The following EPG5 variants were observed in gnomAD, a reference collection of about 807,000 sequenced individuals.
The protein encoded by EPG5 is ectopic P granules protein 5 homolog.
A neutral mutation model predicts 302.7 loss-of-function variants in EPG5; 159 were observed. The observed-to-expected ratio is 0.53, with a 90% CI of 0.46 to 0.60. The LOEUF (loss-of-function observed/expected upper bound fraction) is 0.60. Ranked by LOEUF, EPG5 falls within the 20% of genes least tolerant of loss-of-function variation. The pLI is 0.00. For missense variants in EPG5, 2,896 were observed against 3,092.4 expected (o/e 0.94, Z 1.51); for synonymous variants, 1,158 against 1,136.8 (o/e 1.02, Z -0.37).
At chr18:45,956,368 A>T (rs57140183) in intron 1 of EPG5, among the ~76,000 whole-genome samples, 17,607 of 152,260 alleles carry the variant, frequency 0.12, 1,364 homozygotes, top group African/African-American at 0.22. Context: ...TGGATTAGAA[A>T]AAGGACATTA....
In EPG5 at chr18:45,850,875, T is replaced by A. The variant is rs2048414306; in HGVS notation, c.*1592A>T. On this transcript the variant is annotated 3_prime_UTR_variant, in exon 44 of 44. Transcript: ENST00000282041. Reference sequence around the variant, plus strand: ...GTCCACAGCTTCTCAAATTTTCTTATACAGAGAACAAGATGATTAATTTTG... The same window carrying A: ...GTCCACAGCTTCTCAAATTTTCTTAAACAGAGAACAAGATGATTAATTTTG... 6.6e-6 allele frequency: 1 copy of A among 152,644 alleles called. No homozygotes were observed. Among genetic ancestry groups the A allele is most frequent in the South Asian group, 2.1e-4 (1 of 4,832 alleles). 9.5% of individuals were successfully genotyped at this position (152,644 alleles called of 1,614,324 possible). A position where few individuals can be genotyped will look rare whatever the true frequency, so the allele number is the denominator to read the frequency against.
At chr18:45,868,079 C>A in intron 36 of EPG5, 1 of 472,738 alleles carries the variant, frequency 2.1e-6, no homozygotes, top group South Asian at 1.5e-5. Flanking sequence ...GTATCAGAAT[C>A]CTCAGGTGTG....
Position 45,884,789 on chromosome 18 carries a change from G to T in EPG5, c.5132C>A (p.Ser1711Ter). 6.4e-7 allele frequency: 1 copy of T among 1,560,712 alleles called. No individual in the cohort carries two copies. Among genetic ancestry groups the T allele is most frequent in the South Asian group, 1.2e-5 (1 of 82,880 alleles). Residue 1711 changes from serine to a stop codon, truncating the protein, a stop_gained, in exon 30 of 44, where the codon TCA becomes TAA. Transcript: ENST00000282041. LOFTEE classifies it high-confidence loss of function. ...LGQVFISGIK[S>*]ECRKVLETIL... Reference sequence around the variant, plus strand: ...GGTTTCAAGTACTTTTCTGCACTCTGATTTAATGCCACTGATAAATACCTT... The same window carrying T: ...GGTTTCAAGTACTTTTCTGCACTCTTATTTAATGCCACTGATAAATACCTT...
chr18:45,855,308 T>C, intron 43 of EPG5: 3 of 349,462 alleles, frequency 8.6e-6, no homozygotes, highest in East Asian at 4.9e-5. Flanking sequence ...TTCACACTTA[T>C]CAGAACCAAA....
the EPG5 span, among the ~76,000 whole-genome samples, chr18:45,840,461 C>A: frequency 2.0e-5 from 3 of 152,224 alleles, no homozygotes; most frequent in Admixed American, 6.5e-5. Flanking sequence ...GCTCCTCCCC[C>A]ACGACTCCAG....
intron 9 of EPG5, among the ~76,000 whole-genome samples, chr18:45,940,178 G>A (rs1040166685): frequency 2.0e-5 from 3 of 152,152 alleles, no homozygotes; most frequent in African/African-American, 4.8e-5. Flanking sequence ...GAGTGTCCAC[G>A]TAGAAGAAAC....
chr18:45,908,078 G>A lies in EPG5; in HGVS notation c.4209C>T (p.Leu1403=). ...SPELHKELVR[L]FNVYILWLED... ...CTAGCCATAATATATATACATTGAA[G>A]AGCCTAAAAGATAAAAACATAATTA... The change falls in exon 24 of 44, where the codon CTC becomes CTT. Residue 1403 remains leucine, a synonymous_variant. Transcript: ENST00000282041. 6.6e-7 allele frequency: 1 copy of A among 1,510,300 alleles called. No individual in the cohort carries two copies. Among genetic ancestry groups the A allele is most frequent in the Non-Finnish European group, 9.0e-7 (1 of 1,112,860 alleles). The allele number at this position is 1,510,300 out of a possible 1,614,324, so 93.6% of individuals were successfully genotyped here.
rs1431261711 is a variant in EPG5, at chr18:45,865,723, T to A, written c.6658A>T (p.Met2220Leu). The A allele has an allele frequency of 6.2e-7, 1 of 1,609,488 alleles. No homozygotes were observed. ...TCCAGGGTGCTGAGGAATTGAACCA[T>A]CTGATGAGTAAAAGCTTGGCATTTT... is the stretch of plus-strand genomic sequence containing the variant. The part of the protein sequence containing the change: ...VPKCQAFTHQ[M>L]VQFLSTLEQN... The change falls in exon 39 of 44, where the codon ATG (methionine) becomes TTG (leucine). Residue 2220 changes from methionine (M) to leucine (L), a missense_variant. Physicochemically the swap from Met to Leu is conservative, Grantham distance 15. Transcript: ENST00000282041.
In EPG5 at chr18:45,912,357, G is replaced by A. The variant is rs2049925331; in HGVS notation, c.3916C>T (p.Pro1306Ser). ...HQALVTPSDHPLLPLIWQKFF... is the reference protein window; with the variant it reads ...HQALVTPSDHSLLPLIWQKFF... ...TTCTGCCAAATGAGTGGCAGGAGGG[G>A]GTGATCAGAAGGTGTGACCAGAGCC... Residue 1306 changes from proline to serine, a missense_variant, in exon 22 of 44, where the codon CCC (proline) becomes TCC (serine). Pro to Ser is a moderately conservative substitution (Grantham distance 74). This residue lies in a region of EPG5 where 790 missense variants were observed against 798.0 expected (regional missense o/e 0.99). Transcript: ENST00000282041. The A allele has an allele frequency of 1.2e-6, 2 of 1,611,662 alleles. No individual in the cohort carries two copies. The highest frequency in any genetic ancestry group is 3.4e-5 in the Admixed American group (2 of 59,322).
chr18:45,878,517 T>C (rs2049020396), intron 33 of EPG5, 69 bp from the exon 34 acceptor site: 5 of 950,248 alleles, frequency 5.3e-6, no homozygotes, highest in East Asian at 2.4e-5. Flanking sequence ...TCACATTATA[T>C]AGAAAAATCT....
chr18:45,961,714 C>T (rs1274165247), intron 1 of EPG5, among the ~76,000 whole-genome samples: 1 of 152,056 alleles, frequency 6.6e-6, no homozygotes, highest in Non-Finnish European at 1.5e-5. Flanking sequence ...AAACATTAGC[C>T]AGGTGTGGTG....
At chr18:45,906,698 AG>A (rs2049759820) in intron 24 of EPG5, among the ~76,000 whole-genome samples, 2 of 151,018 alleles carry the variant, frequency 1.3e-5, no homozygotes, top group Non-Finnish European at 2.9e-5. Flanking sequence ...TCTGTTGCCC[AG>A]GCTGGAGTGC....
At chr18:45,927,591 T>TGCAC (rs1491168654) in intron 13 of EPG5, among the ~76,000 whole-genome samples, 9 of 75,512 alleles carry the variant, frequency 1.2e-4, no homozygotes, top group African/African-American at 3.7e-4. Flanking sequence ...AACAAAAAGT[T>TGCAC]ATACACACAC....
At chr18:45,924,795 C>A (rs557918683) in intron 14 of EPG5, among the ~76,000 whole-genome samples, 1 of 152,336 alleles carries the variant, frequency 6.6e-6, no homozygotes, top group Non-Finnish European at 1.5e-5. Context: ...TGGCACGCGC[C>A]TGTAATCCCA....
intron 1 of EPG5, among the ~76,000 whole-genome samples, chr18:45,966,060 CAAAACA>C (rs940567128): frequency 2.0e-5 from 3 of 147,870 alleles, no homozygotes; most frequent in Admixed American, 6.8e-5. Flanking sequence ...GACTCCATAT[CAAAACA>C]AAAACAAAAA....
chr18:45,810,032 T>C, the EPG5 span, among the ~76,000 whole-genome samples: 8 of 152,250 alleles, frequency 5.3e-5, no homozygotes, highest in South Asian at 1.7e-3. Flanking sequence ...AAATGGGAGA[T>C]ATTATAACTG....
intron 1 of EPG5, among the ~76,000 whole-genome samples, chr18:45,958,447 A>T (rs2051077886): frequency 6.7e-6 from 1 of 148,898 alleles, no homozygotes; most frequent in South Asian, 2.1e-4. Flanking sequence ...ACAGTAATAA[A>T]GACAGTATAG....
intron 39 of EPG5, among the ~76,000 whole-genome samples, chr18:45,863,307 C>A (rs368059962): frequency 1.3e-5 from 2 of 152,116 alleles, no homozygotes; most frequent in East Asian, 3.8e-4. Context: ...ATTTTATCAT[C>A]TTATTTTGGT....
chr18:45,852,654 A>G lies in EPG5; in HGVS notation c.7558-5T>C, dbSNP rs1320449268. 1 of 1,613,256 alleles carries G rather than the reference A, an allele frequency of 6.2e-7. No homozygotes were observed. Among genetic ancestry groups the G allele is most frequent in the Non-Finnish European group, 8.5e-7 (1 of 1,179,594 alleles). ...GGATTCAAGAGCATTCAGAGCCTAAAAGACACGGAAGATGAGAGGGTTAAC... is the reference window on the plus strand; with the variant it reads ...GGATTCAAGAGCATTCAGAGCCTAAGAGACACGGAAGATGAGAGGGTTAAC... On this transcript the variant is annotated splice_region_variant and splice_polypyrimidine_tract_variant and intron_variant, in intron 43 of 43. Coordinates refer to ENST00000282041, the MANE Select transcript of EPG5 (RefSeq NM_020964.3).
Sources: gnomAD v4.1 joint callset for allele counts (sites outside exome capture counted in the v4.1 genomes callset) on GRCh38, gnomAD v4.1.1 for gene constraint, gnomAD v4.1.1 regional missense constraint, MANE v1.5 for transcripts, NCBI Gene and HGNC (gene_info 2026-07-23, HGNC 2026-07-21) for gene names.